Variants in NRG1 observed in about 807,000 individuals in gnomAD.
NRG1 encodes the protein neuregulin 1.
NRG1 carries 18 observed loss-of-function variants against 63.8 expected under a neutral mutation model. The observed-to-expected ratio is 0.28, with a 90% CI of 0.19 to 0.42. The LOEUF is 0.42. Among genes scored for constraint, NRG1 ranks in the 10% least tolerant of loss-of-function variants. The pLI, the probability that NRG1 is intolerant of heterozygous loss-of-function variation, is 1.00. For synonymous variants in NRG1, 302 were observed against 301.3 expected (o/e 1.00, Z -0.02); for missense variants, 762 against 814.7 (o/e 0.94, Z 0.79).
chr8:31,927,393 C>T (rs918792542), intron 1 of NRG1, among the ~76,000 whole-genome samples: 1 of 146,578 alleles, frequency 6.8e-6, no homozygotes, highest in Non-Finnish European at 1.5e-5. Flanking sequence ...TTTTCCTTTT[C>T]AATGATTACA....
chr8:32,394,092 A>C (rs1422767663), intron 1 of NRG1, among the ~76,000 whole-genome samples: 1 of 151,950 alleles, frequency 6.6e-6, no homozygotes, highest in Non-Finnish European at 1.5e-5. Context: ...TTGTTTTCCT[A>C]CTTCCTTTAA....
chr8:32,522,326 A>T (rs1002567505), intron 1 of NRG1, among the ~76,000 whole-genome samples: 15 of 151,396 alleles, frequency 9.9e-5, no homozygotes, highest in Admixed American at 8.6e-4. Context: ...AATGTTGCTC[A>T]TTGGATCATT....
intron 1 of NRG1, among the ~76,000 whole-genome samples, chr8:32,157,766 C>G (rs887759043): frequency 2.7e-5 from 4 of 150,604 alleles, no homozygotes; most frequent in African/African-American, 7.3e-5. Flanking sequence ...GAGAGAGATA[C>G]CAAGACAAAC....
At chr8:32,205,910 G>A (rs2132333921) in intron 1 of NRG1, among the ~76,000 whole-genome samples, 1 of 149,492 alleles carries the variant, frequency 6.7e-6, no homozygotes, top group African/African-American at 2.5e-5. Flanking sequence ...ACCAGGCTGG[G>A]CAGCACACCA....
rs540450672 is a variant in NRG1 at position 31,817,540 on chromosome 8, T to C, written c.37+178109T>C. On this transcript the variant is annotated intron_variant, in intron 1 of 10. Transcript: ENST00000519301. Reference sequence around the variant, plus strand: ...TTGCATTTGAATGGGGGAAACATGCTGTTAGATAAATTAGAAAATCTTTAT... The same window carrying C: ...TTGCATTTGAATGGGGGAAACATGCCGTTAGATAAATTAGAAAATCTTTAT... Among the ~76,000 whole-genome samples, 3 of 152,338 alleles carry C rather than the reference T, an allele frequency of 2.0e-5. No individual in the cohort carries two copies. The South Asian group carries it at 6.2e-4, about 32-fold the overall frequency.
intron 1 of NRG1, among the ~76,000 whole-genome samples, chr8:31,903,327 T>G (rs1205458246): frequency 6.6e-6 from 1 of 151,774 alleles, no homozygotes; most frequent in Non-Finnish European, 1.5e-5. Flanking sequence ...TTTTTTGTAT[T>G]TTTAGTAGAG....
At chr8:32,581,831 T>C (rs1840697168) in intron 1 of NRG1, among the ~76,000 whole-genome samples, 1 of 152,194 alleles carries the variant, frequency 6.6e-6, no homozygotes, top group African/African-American at 2.4e-5. Context: ...TTTGCTATAT[T>C]GATCAAAACT....
intron 5 of NRG1, among the ~76,000 whole-genome samples, chr8:32,706,970 T>C (rs775133128): frequency 6.6e-6 from 1 of 152,078 alleles, no homozygotes; most frequent in Non-Finnish European, 1.5e-5. Flanking sequence ...TATTTAGAAG[T>C]TTACAAGATT....
At chr8:31,974,309 G>C in intron 1 of NRG1, among the ~76,000 whole-genome samples, 1 of 151,982 alleles carries the variant, frequency 6.6e-6, no homozygotes, top group East Asian at 1.9e-4. Flanking sequence ...GGAACTACAG[G>C]TGCACTACCC....
chr8:31,688,688 C>T (rs779055898), intron 1 of NRG1, among the ~76,000 whole-genome samples: 19 of 152,220 alleles, frequency 1.2e-4, no homozygotes, highest in Admixed American at 4.6e-4. Flanking sequence ...TACACAGGTA[C>T]GTGTAGATTC....
At chr8:32,763,831 A>C (rs139436076) in exon 12 of NRG1, 6 of 1,612,486 alleles carry the variant, frequency 3.7e-6, no homozygotes, top group Middle Eastern at 1.7e-4. Context: ...CCCCCTTCGG[A>C]AATGTCTCCA....
chr8:31,964,201 A>T (rs1054089503), intron 1 of NRG1, among the ~76,000 whole-genome samples: 2 of 152,216 alleles, frequency 1.3e-5, no homozygotes, highest in African/African-American at 4.8e-5. Context: ...CAGAGAAGAA[A>T]GTCCAATAGG....
intron 1 of NRG1, among the ~76,000 whole-genome samples, chr8:32,306,731 G>T (rs548660315): frequency 1.3e-5 from 2 of 152,322 alleles, no homozygotes; most frequent in South Asian, 2.1e-4. Flanking sequence ...GGAGGAGAAA[G>T]GTTGCTCCGA....
intron 1 of NRG1, among the ~76,000 whole-genome samples, chr8:31,727,080 A>G (rs1057162777): frequency 3.3e-5 from 5 of 152,156 alleles, no homozygotes; most frequent in African/African-American, 1.2e-4. Flanking sequence ...AGGAGTATTT[A>G]TCTGTTTCTT....
At chr8:32,525,394 GTGT>G (rs777331879) in intron 1 of NRG1, among the ~76,000 whole-genome samples, 22 of 97,534 alleles carry the variant, frequency 2.3e-4, no homozygotes, top group Non-Finnish European at 4.4e-4. Context: ...AGGTAGGGGT[GTGT>G]GTGTGTGTGT....
intron 1 of NRG1, among the ~76,000 whole-genome samples, chr8:32,444,203 C>T (rs1266509231): frequency 6.6e-6 from 1 of 152,000 alleles, no homozygotes; most frequent in Non-Finnish European, 1.5e-5. Context: ...ACTGCCACCT[C>T]AAATTCCTGG....
intron 1 of NRG1, among the ~76,000 whole-genome samples, chr8:32,447,117 C>T (rs1483175184): frequency 2.6e-5 from 4 of 151,714 alleles, no homozygotes; most frequent in Non-Finnish European, 4.4e-5. Context: ...CCTCCAGGTT[C>T]AAGTGATTCT....
At chr8:32,065,385 G>T (rs1824603238) in intron 1 of NRG1, among the ~76,000 whole-genome samples, 1 of 152,098 alleles carries the variant, frequency 6.6e-6, no homozygotes, top group African/African-American at 2.4e-5. Flanking sequence ...CCCAGTGTGT[G>T]ATGTTCCGCT....
chr8:31,853,689 C>A (rs200677574), intron 1 of NRG1, among the ~76,000 whole-genome samples: 42 of 150,944 alleles, frequency 2.8e-4, no homozygotes, highest in East Asian at 1.8e-3. Context: ...TGTCTTGTGC[C>A]AGTTTTCAAA....
Sources: gnomAD v4.1 joint callset for allele counts (sites outside exome capture counted in the v4.1 genomes callset) on GRCh38, gnomAD v4.1.1 for gene constraint, MANE v1.5 for transcripts, NCBI Gene and HGNC (gene_info 2026-07-23, HGNC 2026-07-21) for gene names.